Variants in DPP6 observed in about 807,000 individuals in gnomAD.
DPP6 encodes the protein dipeptidyl peptidase like 6.
DPP6 carries 69 observed loss-of-function variants against 122.6 expected under a neutral mutation model. The observed-to-expected ratio is 0.56, with a 90% CI of 0.46 to 0.69. The LOEUF is 0.69. Ranked by LOEUF, DPP6 falls within the 30% of genes least tolerant of loss-of-function variation. The pLI, the probability that DPP6 is intolerant of heterozygous loss-of-function variation, is 0.00. For synonymous variants in DPP6, 418 were observed against 433.1 expected (o/e 0.97, Z 0.43); for missense variants, 928 against 1,116.9 (o/e 0.83, Z 2.41).
At chr7:154,135,412 T>A (rs760335761) in intron 1 of DPP6, among the ~76,000 whole-genome samples, 2 of 151,368 alleles carry the variant, frequency 1.3e-5, no homozygotes, top group Non-Finnish European at 2.9e-5. Context: ...CTCCTATCTA[T>A]GCACTTCCTA....
chr7:153,792,217 C>G, the DPP6 span, among the ~76,000 whole-genome samples: 1 of 152,222 alleles, frequency 6.6e-6, no homozygotes, highest in African/African-American at 2.4e-5. Flanking sequence ...GTTCCACATC[C>G]TCTTCATTTC....
At chr7:154,829,082 T>C (rs1447205724) in intron 16 of DPP6, among the ~76,000 whole-genome samples, 4 of 152,070 alleles carry the variant, frequency 2.6e-5, no homozygotes, top group Non-Finnish European at 5.9e-5. Flanking sequence ...TGCTAGACAA[T>C]AAGAAAAACA....
rs1237178777 is a variant in DPP6 at position 154,868,069 on chromosome 7, A to G, written c.1789A>G (p.Arg597Gly). 5 of 1,607,684 alleles carry G rather than the reference A, an allele frequency of 3.1e-6. No individual in the cohort carries two copies. The highest frequency in any genetic ancestry group is 2.2e-5 in the East Asian group (1 of 44,774). The part of the protein sequence containing the change: ...NDRQMPKVEY[R>G]DIEIDDYNLP... ...CCGACAGATGCCTAAAGTGGAATACAGGGACATTGAGATTGATGATTACAG... is the reference window on the plus strand; with the variant it reads ...CCGACAGATGCCTAAAGTGGAATACGGGGACATTGAGATTGATGATTACAG... Residue 597 changes from arginine (R) to glycine (G), a missense_variant, in exon 18 of 26, where the codon AGG becomes GGG. By Grantham distance (125) the Arg-to-Gly change is moderately radical (BLOSUM62 -2). Transcript: ENST00000377770.
rs59605527 is a variant in DPP6, at chr7:153,918,566, GTCTCTCTCTC to G, written c.51+30876_51+30885del. 3.3e-3 allele frequency among the ~76,000 whole-genome samples: 340 copies of G among 104,382 alleles called. 1 individual carries two copies. Among genetic ancestry groups the G allele is most frequent in the Non-Finnish European group, 3.7e-3 (198 of 53,990 alleles). 68.5% of individuals were successfully genotyped at this position (104,382 alleles called of 152,430 possible). On this transcript the variant is annotated intron_variant, in intron 1 of 25. Coordinates refer to the DPP6 transcript ENST00000404039. Reference sequence around the variant, plus strand: ...ACACACACACACACACACACACACAGTCTCTCTCTCTCTCTCTCTCTCTCTCTCTCTCTCT... The same window carrying G: ...ACACACACACACACACACACACACAGTCTCTCTCTCTCTCTCTCTCTCTCT...
At chr7:154,542,930 A>G (rs1039037730) in intron 4 of DPP6, among the ~76,000 whole-genome samples, 3 of 152,232 alleles carry the variant, frequency 2.0e-5, no homozygotes, top group African/African-American at 7.2e-5. Context: ...TTCTTCTGCC[A>G]GCCCAGAACC....
At chr7:154,501,742 A>G (rs10952486) in intron 3 of DPP6, among the ~76,000 whole-genome samples, 81,604 of 152,012 alleles carry the variant, frequency 0.54, 22,199 homozygotes, top group Middle Eastern at 0.61. Flanking sequence ...GTGTGGAAGG[A>G]AAATGTGGGG....
intron 17 of DPP6, among the ~76,000 whole-genome samples, chr7:154,856,475 T>C (rs1408632888): frequency 6.6e-6 from 1 of 152,204 alleles, no homozygotes; most frequent in Admixed American, 6.5e-5. Flanking sequence ...TTTATTCCAT[T>C]TATAAAAATA....
At chr7:154,388,488 C>T (rs1814318944) in intron 1 of DPP6, among the ~76,000 whole-genome samples, 1 of 152,180 alleles carries the variant, frequency 6.6e-6, no homozygotes, top group Non-Finnish European at 1.5e-5. Flanking sequence ...GTAGTTACTT[C>T]AGGATATGCG....
chr7:154,216,586 G>A (rs1398127668), intron 1 of DPP6, among the ~76,000 whole-genome samples: 1 of 152,152 alleles, frequency 6.6e-6, no homozygotes, highest in Non-Finnish European at 1.5e-5. Flanking sequence ...CCATAAGGAG[G>A]TTGGAGGGTG....
chr7:154,150,693 A>G (rs1023527391), intron 1 of DPP6, among the ~76,000 whole-genome samples: 2 of 152,186 alleles, frequency 1.3e-5, no homozygotes, highest in African/African-American at 4.8e-5. Context: ...CAGGCCTGAG[A>G]GCGGCTGCAC....
At chr7:154,092,194 A>G (rs1435821984) in intron 1 of DPP6, 1 of 152,150 alleles carries the variant, frequency 6.6e-6, no homozygotes, top group Non-Finnish European at 1.5e-5. Context: ...CAGATGACCA[A>G]TTGTTTACAT....
intron 1 of DPP6, among the ~76,000 whole-genome samples, chr7:154,239,991 TTAAAAAAAAAAAAA>T: frequency 1.5e-5 from 1 of 66,214 alleles, no homozygotes; most frequent in Non-Finnish European, 2.5e-5. Context: ...GATGCTGTCT[TTAAAAAAAAAAAAA>T]AAAAAAAAAA....
At chr7:153,828,265 C>T in the DPP6 span, among the ~76,000 whole-genome samples, 2 of 152,108 alleles carry the variant, frequency 1.3e-5, no homozygotes, top group Non-Finnish European at 2.9e-5. Flanking sequence ...TGGAGGGAGA[C>T]AGTGTGACTG....
intron 1 of DPP6, among the ~76,000 whole-genome samples, chr7:153,951,760 T>G (rs2129021741): frequency 6.6e-6 from 1 of 152,308 alleles, no homozygotes; most frequent in South Asian, 2.1e-4. Flanking sequence ...CAAGAAAAAC[T>G]GACCAGGTGC....
chr7:154,191,938 G>A (rs567555934), intron 1 of DPP6, among the ~76,000 whole-genome samples: 1 of 152,170 alleles, frequency 6.6e-6, no homozygotes, highest in Non-Finnish European at 1.5e-5. Flanking sequence ...AGAAAGTAGA[G>A]TGTTTCCACT....
intron 1 of DPP6, among the ~76,000 whole-genome samples, chr7:154,437,739 C>T (rs973330761): frequency 6.6e-6 from 1 of 152,154 alleles, no homozygotes; most frequent in Non-Finnish European, 1.5e-5. Flanking sequence ...AGTTCAAGAT[C>T]AGCCTGGCCA....
At chr7:154,783,446 TTTACA>T (rs1240527522) in intron 10 of DPP6, among the ~76,000 whole-genome samples, 1 of 151,962 alleles carries the variant, frequency 6.6e-6, no homozygotes, top group Non-Finnish European at 1.5e-5. Context: ...CACCAACAGG[TTTACA>T]GGGAGCAGCG....
At chr7:154,779,018 A>ACCAAC (rs1563201017) in intron 10 of DPP6, among the ~76,000 whole-genome samples, 4 of 63,356 alleles carry the variant, frequency 6.3e-5, no homozygotes, top group Non-Finnish European at 1.0e-4. Flanking sequence ...CCAGCACCCC[A>ACCAAC]CCATCACCTC....
intron 1 of DPP6, among the ~76,000 whole-genome samples, chr7:154,176,420 T>G (rs1797804273): frequency 6.6e-6 from 1 of 152,162 alleles, no homozygotes; most frequent in South Asian, 2.1e-4. Flanking sequence ...AATCATGAAA[T>G]CAGTGTAGCC....
Sources: allele counts gnomAD v4.1 joint callset (sites outside exome capture counted in the v4.1 genomes callset), GRCh38; gene constraint gnomAD v4.1.1; transcripts MANE v1.5; gene names NCBI Gene and HGNC (gene_info 2026-07-23, HGNC 2026-07-21).